The following COL6A6 variants were observed in gnomAD, a reference collection of about 807,000 sequenced individuals.
The protein encoded by COL6A6 is collagen type VI alpha 6 chain.
COL6A6 carries 183 observed loss-of-function variants against 208.6 expected under a neutral mutation model. That is an observed-to-expected ratio of 0.88 (90% CI 0.78 to 0.99). The LOEUF (loss-of-function observed/expected upper bound fraction) is 0.99. Ranked by LOEUF, COL6A6 falls within the 50% of genes least tolerant of loss-of-function variation. COL6A6 has a pLI of 0.00. For missense variants in COL6A6, 2,816 were observed against 2,815.2 expected (o/e 1.00, Z -0.01); for synonymous variants, 973 against 1,011.8 (o/e 0.96, Z 0.73).
chr3:130,518,192 G>T (rs1297449354), intron 1 of COL6A6, among the ~76,000 whole-genome samples: 3 of 152,176 alleles, frequency 2.0e-5, no homozygotes, highest in African/African-American at 7.2e-5. Context: ...TGGGTGTGGG[G>T]GTGATAGGAG....
At position 130,598,319 on chromosome 3, in the gene COL6A6, G is replaced by C; in HGVS notation, c.4534-46G>C. On this transcript the variant is annotated intron_variant, in intron 18 of 36. Coordinates refer to ENST00000358511, the MANE Select transcript of COL6A6 (RefSeq NM_001102608.3). The stretch of plus-strand genomic sequence containing the variant: ...TATACATAAGTTATATGTTTAAGGA[G>C]AAATGTCCAAATATATTAATTTTTC... The C allele has an allele frequency of 2.3e-6, 3 of 1,303,588 alleles. 1 individual carries two copies. The highest frequency in any genetic ancestry group is 3.2e-6 in the Non-Finnish European group (3 of 925,486). The allele number at this position is 1,303,588 out of a possible 1,614,324, so 80.8% of individuals were successfully genotyped here.
intron 36 of COL6A6, among the ~76,000 whole-genome samples, chr3:130,668,363 A>T (rs1268772385): frequency 6.6e-6 from 1 of 152,098 alleles, no homozygotes; most frequent in Non-Finnish European, 1.5e-5. Context: ...CTGTAATCCC[A>T]GCTACTCGGG....
chr3:130,596,625 G>T (rs1359097393), intron 18 of COL6A6, among the ~76,000 whole-genome samples: 1 of 152,140 alleles, frequency 6.6e-6, no homozygotes, highest in African/African-American at 2.4e-5. Flanking sequence ...TATTCAGATA[G>T]GATTTATGAT....
At chr3:130,560,640 A>T (rs1183920622) in intron 2 of COL6A6, among the ~76,000 whole-genome samples, 1 of 152,104 alleles carries the variant, frequency 6.6e-6, no homozygotes, top group African/African-American at 2.4e-5. Context: ...TTAATAATAG[A>T]TATGAGAGCT....
intron 13 of COL6A6, among the ~76,000 whole-genome samples, chr3:130,591,584 A>G (rs553249631): frequency 2.0e-5 from 3 of 152,392 alleles, no homozygotes; most frequent in African/African-American, 7.2e-5. Context: ...TTCAACAAAT[A>G]TATGTTACAT....
intron 10 of COL6A6, among the ~76,000 whole-genome samples, chr3:130,585,593 C>A (rs907896096): frequency 6.6e-6 from 1 of 152,172 alleles, no homozygotes; most frequent in Non-Finnish European, 1.5e-5. Context: ...TCATTGGCAA[C>A]CCTATGTTGG....
At chr3:130,545,737 G>GT (rs1224982947) in intron 1 of COL6A6, among the ~76,000 whole-genome samples, 1 of 152,178 alleles carries the variant, frequency 6.6e-6, no homozygotes, top group Non-Finnish European at 1.5e-5. Flanking sequence ...GATTACAGGC[G>GT]TGAGCCACTG....
Position 130,649,331 on chromosome 3 carries a change from G to A in COL6A6, c.5502G>A (p.Glu1834=), listed in dbSNP as rs766228046. The A allele has an allele frequency of 4.3e-6, 7 of 1,609,610 alleles. No homozygotes were observed. The highest frequency in any genetic ancestry group is 1.7e-5 in the Admixed American group (1 of 59,412). ...LLREIETIPY[E]RSSASREIGR... ...GAGAAATTGAAACTATTCCTTATGA[G>A]AGATCCTCTGCCAGCAGGGAGATTG... The change falls in exon 33 of 37, where the codon GAG becomes GAA. Residue 1834 remains glutamate (E), a synonymous_variant. Coordinates refer to ENST00000358511, the MANE Select transcript of COL6A6 (RefSeq NM_001102608.3).
At chr3:130,666,501 G>T (rs1391611250) in intron 36 of COL6A6, among the ~76,000 whole-genome samples, 3 of 152,166 alleles carry the variant, frequency 2.0e-5, no homozygotes, top group Non-Finnish European at 2.9e-5. Flanking sequence ...TACATATAAA[G>T]AATAGCAAGA....
chr3:130,628,355 A>G (rs2064953335), intron 26 of COL6A6, among the ~76,000 whole-genome samples: 1 of 152,218 alleles, frequency 6.6e-6, no homozygotes, highest in African/African-American at 2.4e-5. Flanking sequence ...TATGTAAATA[A>G]ATTTTTATGT....
intron 28 of COL6A6, among the ~76,000 whole-genome samples, chr3:130,638,411 A>T (rs545669958): frequency 7.9e-5 from 12 of 152,118 alleles, no homozygotes; most frequent in Non-Finnish European, 1.3e-4. Flanking sequence ...CTTAATCCCA[A>T]CGCAGAGCCT....
chr3:130,665,915 G>A (rs1390621245), intron 36 of COL6A6, among the ~76,000 whole-genome samples: 1 of 152,118 alleles, frequency 6.6e-6, no homozygotes, highest in Non-Finnish European at 1.5e-5. Flanking sequence ...AGGAAAATGT[G>A]CCTTTACGTG....
intron 1 of COL6A6, among the ~76,000 whole-genome samples, chr3:130,558,574 C>T (rs1456702718): frequency 6.6e-6 from 1 of 152,158 alleles, no homozygotes; most frequent in Admixed American, 6.5e-5. Context: ...CTTTCCAAAT[C>T]CTCGCTTCTC....
chr3:130,578,930 G>A (rs916456896), intron 8 of COL6A6, among the ~76,000 whole-genome samples: 4 of 152,154 alleles, frequency 2.6e-5, no homozygotes, highest in Non-Finnish European at 4.4e-5. Flanking sequence ...GGGCTCTTCC[G>A]TGGACAAATG....
intron 33 of COL6A6, among the ~76,000 whole-genome samples, chr3:130,657,220 G>A (rs560552333): frequency 6.6e-6 from 1 of 152,362 alleles, no homozygotes; most frequent in African/African-American, 2.4e-5. Context: ...GTTCCATGGA[G>A]TGTGCAGCCC....
chr3:130,638,698 GA>G (rs374422851), intron 28 of COL6A6, among the ~76,000 whole-genome samples: 55,863 of 152,218 alleles, frequency 0.37, 13,416 homozygotes, highest in African/African-American at 0.66. Flanking sequence ...GGATATTTTG[GA>G]TTGGATATTC....
At chr3:130,542,006 T>TC (rs915347194) in intron 1 of COL6A6, among the ~76,000 whole-genome samples, 2 of 152,102 alleles carry the variant, frequency 1.3e-5, no homozygotes, top group Non-Finnish European at 2.9e-5. Context: ...TGCAGTGATG[T>TC]CCTGTCTTTC....
chr3:130,662,773 G>A (rs1337926139), intron 35 of COL6A6, among the ~76,000 whole-genome samples: 2 of 152,210 alleles, frequency 1.3e-5, no homozygotes, highest in Admixed American at 1.3e-4. Flanking sequence ...AGAGTTTGAA[G>A]TGTTAGGAGA....
rs575712412 is a variant in COL6A6 at position 130,547,192 on chromosome 3, C to T, written c.-31-13142C>T. Reference sequence around the variant, plus strand: ...CTCGGGCATGGCAGGCTGCAGGTCCCGAGCCATGCCCCGCAGGGAGGTGGC... The same window carrying T: ...CTCGGGCATGGCAGGCTGCAGGTCCTGAGCCATGCCCCGCAGGGAGGTGGC... On this transcript the variant is annotated intron_variant, in intron 1 of 36. Transcript: ENST00000358511. Among the ~76,000 whole-genome samples the T allele has an allele frequency of 1.5e-4, 23 of 152,368 alleles. No individual in the cohort carries two copies. In the East Asian group the frequency reaches 4.2e-3, roughly 28 times the overall value.
Sources: gnomAD v4.1 joint callset for allele counts (sites outside exome capture counted in the v4.1 genomes callset) on GRCh38, gnomAD v4.1.1 for gene constraint, MANE v1.5 for transcripts, NCBI Gene and HGNC (gene_info 2026-07-23, HGNC 2026-07-21) for gene names.